The following AHCY variants were observed in gnomAD, a reference collection of about 807,000 sequenced individuals.
The protein encoded by AHCY is adenosylhomocysteinase.
In AHCY, 24 loss-of-function variants were observed where a neutral mutation model predicts 45.4. That is an observed-to-expected ratio of 0.53 (90% CI 0.38 to 0.74). AHCY has a LOEUF of 0.74. Ranked by LOEUF, AHCY falls within the 30% of genes least tolerant of loss-of-function variation. The pLI is 0.00. For synonymous variants in AHCY, 245 were observed against 235.1 expected (o/e 1.04, Z -0.39); for missense variants, 449 against 594.1 (o/e 0.76, Z 2.54).
At chr20:34,292,308 G>C (rs780867268) in intron 4 of AHCY, 50 bp downstream of exon 4, 2 of 1,596,990 alleles carry the variant, frequency 1.3e-6, no homozygotes, top group Middle Eastern at 2.1e-4. Flanking sequence ...TGGGCAAACA[G>C]GCCCCACCCA....
At chr20:34,303,706 G>A (rs867041826), upstream of AHCY, among the ~76,000 whole-genome samples, 1 of 152,314 alleles carries the variant, frequency 6.6e-6, no homozygotes. Context: ...TATAAGTAAA[G>A]TTGCAGGCCA....
At chr20:34,298,827 T>C (rs1601680062) in intron 1 of AHCY, among the ~76,000 whole-genome samples, 1 of 152,126 alleles carries the variant, frequency 6.6e-6, no homozygotes, top group Non-Finnish European at 1.5e-5. Flanking sequence ...AGTAAATTAG[T>C]AAAAATACTA....
chr20:34,246,060 A>C, the AHCY span: 1 of 892,910 alleles, frequency 1.1e-6, no homozygotes, highest in Non-Finnish European at 1.9e-6. Flanking sequence ...GAATAATTTC[A>C]TCCTCCCCAT....
intron 1 of AHCY, among the ~76,000 whole-genome samples, chr20:34,295,890 C>G (rs563585978): frequency 6.6e-6 from 1 of 152,074 alleles, no homozygotes; most frequent in Non-Finnish European, 1.5e-5. Flanking sequence ...TTCCCACTAC[C>G]CTGCCTTTCT....
chr20:34,280,784 C>T lies in AHCY; in HGVS notation c.*250G>A. ...GACTTAGTGAGCTGTTCCAAGACCA[C>T]TGAGCTCATGGTTCCCTGTGGCTGG... On this transcript the variant is annotated 3_prime_UTR_variant, in exon 10 of 10. Transcript: ENST00000217426. 3.6e-6 allele frequency: 2 copies of T among 552,230 alleles called. No homozygotes were observed. Among genetic ancestry groups the T allele is most frequent in the Non-Finnish European group, 6.5e-6 (2 of 308,164 alleles). 34.2% of individuals were successfully genotyped at this position (552,230 alleles called of 1,614,324 possible). A position where few individuals can be genotyped will look rare whatever the true frequency, so the allele number is the denominator to read the frequency against.
chr20:34,269,191 C>G, the AHCY span: 2 of 1,478,378 alleles, frequency 1.4e-6, no homozygotes, highest in Admixed American at 2.3e-5. Context: ...CGGCCGCGAG[C>G]AGGCAGGGCT....
the AHCY span, among the ~76,000 whole-genome samples, chr20:34,273,482 C>T: frequency 6.6e-6 from 1 of 152,154 alleles, no homozygotes; most frequent in Non-Finnish European, 1.5e-5. Context: ...CCACCCACCT[C>T]GACTTCCCAG....
At chr20:34,238,782 G>A in the AHCY span, among the ~76,000 whole-genome samples, 1 of 152,106 alleles carries the variant, frequency 6.6e-6, no homozygotes, top group East Asian at 1.9e-4. Flanking sequence ...TAGAAACCAG[G>A]TTCTCCCCTT....
At chr20:34,255,894 C>T in the AHCY span, among the ~76,000 whole-genome samples, 1 of 152,172 alleles carries the variant, frequency 6.6e-6, no homozygotes, top group Non-Finnish European at 1.5e-5. Context: ...AAGGGAGTCT[C>T]CCTTTCCCCG....
intron 5 of AHCY, 138 bp downstream of exon 5, chr20:34,291,281 G>T: frequency 1.2e-6 from 1 of 820,858 alleles, no homozygotes; most frequent in Non-Finnish European, 2.1e-6. Flanking sequence ...GCACTCATTA[G>T]CCTGTCTATA....
At chr20:34,237,937 T>A in the AHCY span, among the ~76,000 whole-genome samples, 1 of 152,200 alleles carries the variant, frequency 6.6e-6, no homozygotes, top group Non-Finnish European at 1.5e-5. Context: ...GGTTGACAGT[T>A]TTTTTCTTTC....
chr20:34,289,426 G>C (rs1176577356), intron 8 of AHCY, among the ~76,000 whole-genome samples: 1 of 148,516 alleles, frequency 6.7e-6, no homozygotes. Flanking sequence ...GCCCACCTAG[G>C]CCTCCCAAAG....
intron 1 of AHCY, among the ~76,000 whole-genome samples, chr20:34,296,731 G>A (rs1163724264): frequency 1.8e-4 from 27 of 152,130 alleles, no homozygotes; most frequent in African/African-American, 2.4e-5. Context: ...GATTCAGCAG[G>A]TCTAAGACTC....
chr20:34,241,743 T>C, the AHCY span, among the ~76,000 whole-genome samples: 1,124 of 152,300 alleles, frequency 7.4e-3, 9 homozygotes, highest in Non-Finnish European at 0.012. Flanking sequence ...AATAAATATA[T>C]CTATATGTAT....
the AHCY span, among the ~76,000 whole-genome samples, chr20:34,252,423 G>A: frequency 6.6e-6 from 1 of 152,218 alleles, no homozygotes; most frequent in African/African-American, 2.4e-5. Context: ...GTGCCTGGAT[G>A]TGCACGTAGG....
chr20:34,275,355 C>A (rs1371781669), downstream of AHCY, among the ~76,000 whole-genome samples: 1 of 152,078 alleles, frequency 6.6e-6, no homozygotes, highest in Non-Finnish European at 1.5e-5. Context: ...TGGTCTCGAA[C>A]TCCTGACCTC....
chr20:34,234,093 T>A, the AHCY span, among the ~76,000 whole-genome samples: 5 of 152,324 alleles, frequency 3.3e-5, no homozygotes, highest in African/African-American at 1.2e-4. Context: ...AATGTTATGA[T>A]GGATCTAAGT....
rs557458892 is a variant in AHCY, at chr20:34,290,783, G to A, written c.714C>T (p.Arg238=). 38 of 1,613,764 alleles carry A rather than the reference G, an allele frequency of 2.4e-5. No individual in the cohort carries two copies. Among genetic ancestry groups the A allele is most frequent in the Admixed American group, 6.7e-5 (4 of 59,972 alleles). Residue 238 remains arginine, a synonymous_variant, in exon 6 of 10, where the codon CGC becomes CGT. Transcript: ENST00000217426. This position sits in a 1 kb window ranked among gnomAD's most constrained non-coding sequence, Gnocchi z 4.5. ...TGGGGTCAATCTCGGTGATGATGAC[G>A]CGGGCTCCGAAACCCCGCAGGGCCT... The part of the protein sequence containing the change: ...CAQALRGFGA[R]VIITEIDPIN...
chr20:34,235,864 GGAAA>G, the AHCY span, among the ~76,000 whole-genome samples: 2 of 37,222 alleles, frequency 5.4e-5, no homozygotes, highest in Admixed American at 3.0e-4. Context: ...AAGGAAGGAA[GGAAA>G]GGAAGGAAGG....
Sources: gnomAD v4.1 joint callset for allele counts (sites outside exome capture counted in the v4.1 genomes callset) on GRCh38, gnomAD v4.1.1 for gene constraint, Gnocchi (gnomAD v3.1) non-coding constraint, MANE v1.5 for transcripts, NCBI Gene and HGNC (gene_info 2026-07-23, HGNC 2026-07-21) for gene names.